The following FRAS1 variants were observed in gnomAD, a reference collection of about 807,000 sequenced individuals.
The protein encoded by FRAS1 is Fraser extracellular matrix complex subunit 1.
FRAS1 carries 290 observed loss-of-function variants against 435.2 expected under a neutral mutation model. The ratio of observed to expected loss-of-function variants is 0.67; its 90% CI spans 0.61 to 0.73. The LOEUF is 0.73. Ranked by LOEUF, FRAS1 falls within the 30% of genes least tolerant of loss-of-function variation. The pLI, the probability that FRAS1 is intolerant of heterozygous loss-of-function variation, is 0.00. For synonymous variants in FRAS1, 1,800 were observed against 1,851.0 expected, an observed-to-expected ratio of 0.97 and a Z score of 0.71; for missense variants, 4,860 against 5,001.5, an observed-to-expected ratio of 0.97 and a Z score of 0.85.
intron 60 of FRAS1, among the ~76,000 whole-genome samples, chr4:78,498,934 A>AG (rs1344586238): frequency 1.4e-4 from 22 of 152,112 alleles, no homozygotes; most frequent in South Asian, 4.2e-4. Context: ...TGTAGCCTCG[A>AG]CCACCAGGGC....
At chr4:78,365,528 T>C (rs891690012) in intron 22 of FRAS1, among the ~76,000 whole-genome samples, 6 of 152,050 alleles carry the variant, frequency 3.9e-5, no homozygotes, top group African/African-American at 1.4e-4. Context: ...GTGACAAAAA[T>C]ACATTGCATT....
chr4:78,334,158 G>A (rs13124048), intron 19 of FRAS1, among the ~76,000 whole-genome samples: 9,193 of 152,148 alleles, frequency 0.06, 392 homozygotes, highest in Non-Finnish European at 0.092. Flanking sequence ...CATTGTGGAA[G>A]GATTGAAAGT....
chr4:78,127,478 G>A lies in FRAS1; in HGVS notation c.108+61462G>A, dbSNP rs144845483. On this transcript the variant is annotated intron_variant, in intron 2 of 73. Coordinates refer to ENST00000512123, the MANE Select transcript of FRAS1 (RefSeq NM_025074.7). ...GGATGGGACAAGAGTGAATGATAGTGGTGTTAACCAAGAGGTAGCACTGGG... is the reference window on the plus strand; with the variant it reads ...GGATGGGACAAGAGTGAATGATAGTAGTGTTAACCAAGAGGTAGCACTGGG... Among the ~76,000 whole-genome samples the A allele has an allele frequency of 2.1e-3, 322 of 152,280 alleles. 4 individuals are homozygous for A. The highest frequency in any genetic ancestry group is 6.6e-4 in the Non-Finnish European group (45 of 68,024).
chr4:78,526,596 A>G lies in FRAS1; in HGVS notation c.10864A>G (p.Thr3622Ala), dbSNP rs1329263559. Residue 3622 changes from threonine to alanine, a missense_variant, in exon 70 of 74, where the codon ACA becomes GCA. Coordinates refer to ENST00000512123, the MANE Select transcript of FRAS1 (RefSeq NM_025074.7). ...CCTGATCCCTTGCACAGTGCAGCCC[A>G]CACAGCCATGGGTTGACCCAGGAGA... ...IYLIPCTVQP[T>A]QPWVDPGEKP... 6.2e-7 allele frequency: 1 copy of G among 1,602,402 alleles called. No homozygotes were observed. Among genetic ancestry groups the G allele is most frequent in the East Asian group, 2.3e-5 (1 of 44,346 alleles).
rs768488305 is a variant in FRAS1 at position 78,400,891 on chromosome 4, A to G, written c.4129+4A>G. The G allele has an allele frequency of 3.0e-5, 49 of 1,613,156 alleles. No individual in the cohort carries two copies. Among genetic ancestry groups the G allele is most frequent in the Non-Finnish European group, 3.9e-5 (46 of 1,179,572 alleles). On this transcript the variant is annotated splice_donor_region_variant and intron_variant, in intron 30 of 73. Transcript: ENST00000512123. ...ACACAAGACTACCCCCAGTTTGGTA[A>G]CTATTTTTTCCTTTGGCGTGGTTTC... is the stretch of plus-strand genomic sequence containing the variant.
At chr4:78,103,639 G>C (rs892388809) in intron 2 of FRAS1, among the ~76,000 whole-genome samples, 1 of 152,158 alleles carries the variant, frequency 6.6e-6, no homozygotes, top group African/African-American at 2.4e-5. Context: ...GACGAGGGAA[G>C]AGCCCTCATG....
intron 6 of FRAS1, among the ~76,000 whole-genome samples, chr4:78,259,178 T>C (rs1725951742): frequency 1.4e-5 from 1 of 69,286 alleles, no homozygotes; most frequent in Non-Finnish European, 3.3e-5. Flanking sequence ...CGTGTGCATG[T>C]GTCTTTATAG....
At chr4:78,253,113 C>T (rs925014806) in intron 5 of FRAS1, among the ~76,000 whole-genome samples, 1 of 152,148 alleles carries the variant, frequency 6.6e-6, no homozygotes, top group Non-Finnish European at 1.5e-5. Context: ...TAGACCTCCC[C>T]CCAGGAATGC....
chr4:78,464,664 C>T, intron 49 of FRAS1, 81 bp downstream of exon 49: 1 of 1,488,728 alleles, frequency 6.7e-7, no homozygotes, highest in South Asian at 1.2e-5. Context: ...AGCTGTGCAT[C>T]CTGATGGTAG....
intron 9 of FRAS1, among the ~76,000 whole-genome samples, chr4:78,272,392 T>C (rs1373810698): frequency 1.3e-5 from 2 of 152,244 alleles, no homozygotes; most frequent in East Asian, 1.9e-4. Context: ...TGCCCATGCC[T>C]ATGTCCTGAA....
chr4:78,469,885 C>T (rs1389054121), intron 50 of FRAS1, 93 bp from the exon 51 acceptor site: 19 of 881,376 alleles, frequency 2.2e-5, no homozygotes, highest in Non-Finnish European at 3.5e-5. Flanking sequence ...GAAGTGTTAG[C>T]AGACTTCAGA....
At chr4:78,531,382 T>A (rs1318610392) in intron 70 of FRAS1, among the ~76,000 whole-genome samples, 1 of 152,164 alleles carries the variant, frequency 6.6e-6, no homozygotes, top group South Asian at 2.1e-4. Context: ...CTACGTTGAA[T>A]AGGAGTGGTG....
In FRAS1 at chr4:78,450,295, T is replaced by C. The variant is rs763764910; in HGVS notation, c.6419T>C (p.Ile2140Thr). The change falls in exon 45 of 74, where the codon ATT (isoleucine) becomes ACT (threonine). Residue 2140 changes from isoleucine to threonine, a missense_variant. Physicochemically the swap from Ile to Thr is moderately conservative, Grantham distance 89. Transcript: ENST00000512123. ...MKHGNLEQIS[I>T]KGPIRSFTQA... Reference sequence around the variant, plus strand: ...CATGGCAACCTGGAGCAAATTTCTATTAAAGGCCCCATCCGAAGTTTCACC... The same window carrying C: ...CATGGCAACCTGGAGCAAATTTCTACTAAAGGCCCCATCCGAAGTTTCACC... 1.2e-6 allele frequency: 2 copies of C among 1,613,862 alleles called. No homozygotes were observed.
intron 64 of FRAS1, among the ~76,000 whole-genome samples, chr4:78,512,752 G>A (rs557942534): frequency 6.6e-6 from 1 of 152,320 alleles, no homozygotes; most frequent in South Asian, 2.1e-4. Context: ...TAAGAGCTGA[G>A]GATGTAGATC....
chr4:78,233,868 A>G (rs1392730139), intron 2 of FRAS1, among the ~76,000 whole-genome samples: 1 of 152,168 alleles, frequency 6.6e-6, no homozygotes, highest in Non-Finnish European at 1.5e-5. Flanking sequence ...CTGTTTTCTC[A>G]TCTGTAAAAT....
intron 2 of FRAS1, among the ~76,000 whole-genome samples, chr4:78,116,427 G>A (rs191637401): frequency 0.012 from 1,793 of 152,232 alleles, 35 homozygotes; most frequent in South Asian, 0.092. Context: ...GTTGACAGTG[G>A]GGTGTTAAAG....
chr4:78,294,713 G>A (rs72864587), intron 14 of FRAS1, among the ~76,000 whole-genome samples: 2,829 of 152,228 alleles, frequency 0.019, 58 homozygotes, highest in African/African-American at 0.051. Context: ...TCATTCAGCT[G>A]TATCACAATC....
chr4:78,208,211 G>A (rs114908132), intron 2 of FRAS1, among the ~76,000 whole-genome samples: 3,510 of 152,136 alleles, frequency 0.023, 140 homozygotes, highest in African/African-American at 0.079. Flanking sequence ...ACTACAGCTC[G>A]TGTCTCAGGA....
chr4:78,061,560 C>T (rs150566526), intron 1 of FRAS1, among the ~76,000 whole-genome samples: 2 of 152,260 alleles, frequency 1.3e-5, no homozygotes, highest in African/African-American at 4.8e-5. Flanking sequence ...TAACAGGTTA[C>T]ATTGAAGAGG....
Sources: gnomAD v4.1 joint callset for allele counts (sites outside exome capture counted in the v4.1 genomes callset) on GRCh38, gnomAD v4.1.1 for gene constraint, MANE v1.5 for transcripts, NCBI Gene and HGNC (gene_info 2026-07-23, HGNC 2026-07-21) for gene names.